Variants in CYTH3 observed in about 807,000 individuals in gnomAD.
CYTH3 encodes cytohesin 3, also known as cytohesin-3.
A neutral mutation model predicts 55.1 loss-of-function variants in CYTH3; 23 were observed. That is an observed-to-expected ratio of 0.42 (90% CI 0.30 to 0.59). The LOEUF (loss-of-function observed/expected upper bound fraction) is 0.59. Ranked by LOEUF, CYTH3 falls within the 20% of genes least tolerant of loss-of-function variation. CYTH3 has a pLI of 0.20. For synonymous variants in CYTH3, 249 were observed against 194.9 expected (o/e 1.28, Z -2.31); for missense variants, 413 against 524.8 (o/e 0.79, Z 2.08).
chr7:6,164,782 G>A lies in CYTH3; in HGVS notation c.*162C>T, dbSNP rs1438010900. 3.9e-6 allele frequency: 3 copies of A among 773,228 alleles called. No homozygotes were observed. Among genetic ancestry groups the A allele is most frequent in the South Asian group, 3.3e-5 (2 of 60,324 alleles). The allele number at this position is 773,228 out of a possible 1,614,324, so 47.9% of individuals were successfully genotyped here. On this transcript the variant is annotated 3_prime_UTR_variant, in exon 13 of 13. Transcript: ENST00000350796. ...GACCACCTCCCAGGACCCCAGCCACGGCACGAGGCCTTGGGGATACCACCT... is the reference window on the plus strand; with the variant it reads ...GACCACCTCCCAGGACCCCAGCCACAGCACGAGGCCTTGGGGATACCACCT...
chr7:6,242,374 CA>C (rs1182967152), intron 1 of CYTH3, among the ~76,000 whole-genome samples: 3 of 101,212 alleles, frequency 3.0e-5, no homozygotes, highest in Non-Finnish European at 1.8e-5. Flanking sequence ...CCGCGCCTGG[CA>C]TTTTTTTTTT....
rs528182175 is a variant in CYTH3, at chr7:6,169,794, C to G, written c.823+741G>C. Reference sequence around the variant, plus strand: ...GGGGTGGAGGGTGACGCCGCAGGGACAGGGCTGGCTGTCTGCTTCTCTACT... The same window carrying G: ...GGGGTGGAGGGTGACGCCGCAGGGAGAGGGCTGGCTGTCTGCTTCTCTACT... On this transcript the variant is annotated intron_variant, in intron 9 of 12. Coordinates refer to ENST00000350796, the MANE Select transcript of CYTH3 (RefSeq NM_004227.4). The surrounding 1 kb of genome is among the most constrained non-coding windows in gnomAD (Gnocchi z 4.1). Among the ~76,000 whole-genome samples the G allele has an allele frequency of 6.6e-6, 1 of 152,308 alleles. No homozygotes were observed. The highest frequency in any genetic ancestry group is 2.4e-5 in the African/African-American group (1 of 41,574).
At chr7:6,264,393 T>A (rs143831963) in intron 1 of CYTH3, among the ~76,000 whole-genome samples, 27 of 152,264 alleles carry the variant, frequency 1.8e-4, no homozygotes, top group African/African-American at 6.3e-4. Context: ...GGGTGGATCA[T>A]TTGCGGTCAG....
chr7:6,212,198 T>A (rs1173085877), intron 1 of CYTH3, among the ~76,000 whole-genome samples: 1 of 152,154 alleles, frequency 6.6e-6, no homozygotes, highest in Non-Finnish European at 1.5e-5. Flanking sequence ...TGGTGGTCAA[T>A]AATGACTCAG....
At chr7:6,199,977 C>A (rs937985789) in intron 1 of CYTH3, among the ~76,000 whole-genome samples, 4 of 152,094 alleles carry the variant, frequency 2.6e-5, no homozygotes, top group Non-Finnish European at 4.4e-5. Flanking sequence ...ACAAAGTGTG[C>A]AATAATATTA....
At chr7:6,229,527 G>C (rs1207342934) in intron 1 of CYTH3, among the ~76,000 whole-genome samples, 1 of 151,924 alleles carries the variant, frequency 6.6e-6, no homozygotes, top group African/African-American at 2.4e-5. Context: ...ACATATCTCA[G>C]GGCTGGGCGC....
At chr7:6,260,499 G>A (rs1033184934) in intron 1 of CYTH3, among the ~76,000 whole-genome samples, 6 of 151,910 alleles carry the variant, frequency 3.9e-5, no homozygotes, top group Non-Finnish European at 5.9e-5. Flanking sequence ...CCCATGGCAC[G>A]TGCCTTTCCT....
At position 6,226,069 on chromosome 7, in the gene CYTH3, G is replaced by A. The variant is rs146586928; in HGVS notation, c.35-35538C>T. 4.2e-4 allele frequency among the ~76,000 whole-genome samples: 64 copies of A among 152,242 alleles called. 1 individual carries two copies. In the East Asian group the frequency reaches 8.3e-3, roughly 20 times the overall value. The stretch of plus-strand genomic sequence containing the variant: ...GTGAAACATTCATCCCTAGGTGGCC[G>A]AGAACATAAACCCATGTCCCTAGCT... On this transcript the variant is annotated intron_variant, in intron 1 of 12. Transcript: ENST00000350796.
chr7:6,259,832 ATTTTTT>A (rs10586697), intron 1 of CYTH3, among the ~76,000 whole-genome samples: 2 of 17,568 alleles, frequency 1.1e-4, no homozygotes, highest in African/African-American at 9.4e-4. Context: ...ATATATATAT[ATTTTTT>A]TTTTTTTTTA....
At chr7:6,195,915 G>A (rs548115519) in intron 1 of CYTH3, among the ~76,000 whole-genome samples, 95 of 152,274 alleles carry the variant, frequency 6.2e-4, no homozygotes, top group African/African-American at 1.9e-3. Flanking sequence ...CAAAGTCCAC[G>A]TAGAATAAGC....
intron 4 of CYTH3, 76 bp from the exon 5 acceptor site, chr7:6,178,017 G>T: frequency 8.7e-7 from 1 of 1,151,534 alleles, no homozygotes. Context: ...AATACACTTA[G>T]TGTCAGGATT....
At chr7:6,253,969 G>A (rs1780038445) in intron 1 of CYTH3, among the ~76,000 whole-genome samples, 1 of 149,134 alleles carries the variant, frequency 6.7e-6, no homozygotes, top group Non-Finnish European at 1.5e-5. Flanking sequence ...CTCCAGCCTG[G>A]GTGACAGAGT....
chr7:6,187,803 G>T, intron 2 of CYTH3, 82 bp from the exon 3 acceptor site: 2 of 1,150,300 alleles, frequency 1.7e-6, no homozygotes, highest in Non-Finnish European at 2.6e-6. Context: ...GTTCTCTTGT[G>T]ACAAGCTTCC....
At chr7:6,247,108 G>A (rs1779839572) in intron 1 of CYTH3, among the ~76,000 whole-genome samples, 1 of 152,224 alleles carries the variant, frequency 6.6e-6, no homozygotes, top group African/African-American at 2.4e-5. Context: ...AGCTCCCACT[G>A]AAGGCAGTGT....
In CYTH3 at chr7:6,169,198, C is replaced by T. The variant is rs1053351555; in HGVS notation, c.823+1337G>A. ...TCCACCAGCTGAGGAGGCCTGTGCC[C>T]GTCACACCGTGTCTCACCCTTCCTT... On this transcript the variant is annotated intron_variant, in intron 9 of 12. Coordinates refer to ENST00000350796, the MANE Select transcript of CYTH3 (RefSeq NM_004227.4). This position sits in a 1 kb window ranked among gnomAD's most constrained non-coding sequence, Gnocchi z 4.1. Among the ~76,000 whole-genome samples the T allele has an allele frequency of 1.3e-5, 2 of 152,278 alleles. No homozygotes were observed. The highest frequency in any genetic ancestry group is 2.1e-4 in the South Asian group (1 of 4,820).
intron 1 of CYTH3, among the ~76,000 whole-genome samples, chr7:6,212,121 C>A (rs990332763): frequency 1.3e-5 from 2 of 152,190 alleles, no homozygotes; most frequent in African/African-American, 4.8e-5. Flanking sequence ...TACTCTCTAT[C>A]TCCATGAGTT....
intron 9 of CYTH3, among the ~76,000 whole-genome samples, chr7:6,168,024 A>G (rs1157517651): frequency 1.3e-5 from 2 of 151,884 alleles, no homozygotes; most frequent in African/African-American, 2.4e-5. Context: ...CTCTGCTCAC[A>G]CTTGTTTCTG....
At chr7:6,212,838 T>C (rs1583167489) in intron 1 of CYTH3, 2 of 152,350 alleles carry the variant, frequency 1.3e-5, no homozygotes, top group Non-Finnish European at 2.9e-5. Context: ...TGGCTTCAGC[T>C]CTTGCCCATT....
intron 4 of CYTH3, 56 bp from the exon 5 acceptor site, chr7:6,177,997 C>A: frequency 7.4e-7 from 1 of 1,359,232 alleles, no homozygotes; most frequent in Non-Finnish European, 1.1e-6. Flanking sequence ...ACTCATTTTT[C>A]AAAGACAGAA....
Sources: gnomAD v4.1 joint callset for allele counts (sites outside exome capture counted in the v4.1 genomes callset) on GRCh38, gnomAD v4.1.1 for gene constraint, Gnocchi (gnomAD v3.1) non-coding constraint, MANE v1.5 for transcripts, NCBI Gene and HGNC (gene_info 2026-07-23, HGNC 2026-07-21) for gene names.